The following STX18 variants were observed in gnomAD, a reference collection of about 807,000 sequenced individuals.
STX18 encodes syntaxin-18.
A neutral mutation model predicts 50.1 loss-of-function variants in STX18; 40 were observed. The observed-to-expected ratio is 0.80, with a 90% confidence interval of 0.62 to 1.04. The LOEUF (loss-of-function observed/expected upper bound fraction) is 1.04. Ranked by LOEUF, STX18 falls within the 50% of genes least tolerant of loss-of-function variation. The pLI is 0.00. For synonymous variants in STX18, 158 were observed against 151.8 expected, an observed-to-expected ratio of 1.04 and a Z score of -0.30; for missense variants, 410 against 415.8, an observed-to-expected ratio of 0.99 and a Z score of 0.12.
upstream of STX18, chr4:4,542,107 T>G: frequency 9.2e-7 from 1 of 1,081,798 alleles, no homozygotes; most frequent in Non-Finnish European, 1.2e-6. Flanking sequence ...GGTTCCGGCC[T>G]GCGCCCTGCT....
intron 2 of STX18, among the ~76,000 whole-genome samples, chr4:4,461,699 G>A (rs1228814121): frequency 6.6e-6 from 1 of 152,210 alleles, no homozygotes; most frequent in Non-Finnish European, 1.5e-5. Flanking sequence ...AACTTGATGA[G>A]AGACAATAAG....
intron 1 of STX18, among the ~76,000 whole-genome samples, chr4:4,535,498 T>C (rs996032519): frequency 2.0e-5 from 3 of 152,054 alleles, no homozygotes; most frequent in African/African-American, 7.2e-5. Flanking sequence ...AAGCAGTGGT[T>C]TTTAAACTGT....
At chr4:4,535,250 A>G (rs1256359875) in intron 1 of STX18, among the ~76,000 whole-genome samples, 1 of 152,188 alleles carries the variant, frequency 6.6e-6, no homozygotes, top group Non-Finnish European at 1.5e-5. Context: ...ACAATGCCTG[A>G]CACACCAGAT....
chr4:4,509,622 C>A (rs1729904999), intron 1 of STX18, among the ~76,000 whole-genome samples: 1 of 151,958 alleles, frequency 6.6e-6, no homozygotes, highest in African/African-American at 2.4e-5. Flanking sequence ...TAAGTATAAT[C>A]AATATATTAA....
intron 1 of STX18, among the ~76,000 whole-genome samples, chr4:4,500,965 A>G (rs571421489): frequency 6.6e-6 from 1 of 152,326 alleles, no homozygotes; most frequent in South Asian, 2.1e-4. Context: ...AGAACCTAGG[A>G]GAAGGAGGTA....
At chr4:4,450,798 C>T (rs1667780174) in intron 5 of STX18, among the ~76,000 whole-genome samples, 1 of 152,190 alleles carries the variant, frequency 6.6e-6, no homozygotes, top group South Asian at 2.1e-4. Flanking sequence ...TTACCCCTGC[C>T]TCACTGCATG....
At chr4:4,459,062 GCACACACACACA>G (rs60704649) in intron 3 of STX18, among the ~76,000 whole-genome samples, 1 of 144,282 alleles carries the variant, frequency 6.9e-6, no homozygotes, top group African/African-American at 2.5e-5. Context: ...ACACACACAC[GCACACACACACA>G]CACACACACA....
chr4:4,436,534 C>A (rs1725785186), intron 6 of STX18, among the ~76,000 whole-genome samples: 1 of 152,008 alleles, frequency 6.6e-6, no homozygotes, highest in Admixed American at 6.6e-5. Context: ...TTGTTCATAT[C>A]TGAACCAAGC....
At chr4:4,425,275 G>C in intron 7 of STX18, 53 bp from the exon 8 acceptor site, 18 of 1,530,866 alleles carry the variant, frequency 1.2e-5, no homozygotes, top group Non-Finnish European at 1.6e-5. Flanking sequence ...TTAGGCAAGA[G>C]TCTAGCAAGA....
chr4:4,419,974 G>A lies in STX18; in HGVS notation c.*60C>T. On this transcript the variant is annotated 3_prime_UTR_variant, in exon 11 of 11. Coordinates refer to ENST00000306200, the MANE Select transcript of STX18 (RefSeq NM_016930.4). ...CCATGCTCCAGCACTGGAAGTACATGAAAGCACGCAGTCTGTGAGTGCCCA... is the reference window on the plus strand; with the variant it reads ...CCATGCTCCAGCACTGGAAGTACATAAAAGCACGCAGTCTGTGAGTGCCCA... 1 of 1,408,980 alleles carries A rather than the reference G, an allele frequency of 7.1e-7. No individual in the cohort carries two copies. Among genetic ancestry groups the A allele is most frequent in the South Asian group, 1.2e-5 (1 of 81,532 alleles). 87.3% of individuals were successfully genotyped at this position (1,408,980 alleles called of 1,614,324 possible).
intron 1 of STX18, chr4:4,481,592 A>G (rs1728463936): frequency 6.6e-6 from 1 of 152,252 alleles, no homozygotes; most frequent in South Asian, 2.1e-4. Flanking sequence ...GATTTTTCAC[A>G]AGGATCATGT....
At chr4:4,464,970 G>C (rs1727553092) in intron 2 of STX18, among the ~76,000 whole-genome samples, 1 of 150,442 alleles carries the variant, frequency 6.6e-6, no homozygotes. Context: ...CTTGTCTTCT[G>C]CTAGCTTTGG....
At chr4:4,437,722 C>G in intron 6 of STX18, 3 of 639,850 alleles carry the variant, frequency 4.7e-6, no homozygotes, top group Non-Finnish European at 5.8e-6. Flanking sequence ...CCCTGTGATT[C>G]ACACAAAGAA....
chr4:4,423,717 G>A (rs1035029656), intron 8 of STX18, 130 bp from the exon 9 acceptor site: 281 of 888,038 alleles, frequency 3.2e-4, no homozygotes, highest in Middle Eastern at 2.5e-4. Flanking sequence ...TGTGTCGGCT[G>A]GGGGAAGAGG....
chr4:4,439,107 CAT>C (rs1725953151), intron 5 of STX18, among the ~76,000 whole-genome samples: 1 of 132,580 alleles, frequency 7.5e-6, no homozygotes, highest in African/African-American at 2.9e-5. Context: ...CCCCCACACA[CAT>C]ACCCCCACAT....
chr4:4,507,620 G>A lies in STX18; in HGVS notation c.168+34177C>T, dbSNP rs542341750. 102 of 767,756 alleles carry A rather than the reference G, an allele frequency of 1.3e-4. No homozygotes were observed. In the African/African-American group the frequency reaches 1.6e-3, roughly 12 times the overall value. 47.6% of individuals were successfully genotyped at this position (767,756 alleles called of 1,614,324 possible). ...ACTTGATCTTCCCAAGCGAAATTGTGGGCAAGAGAATTCACGTGAACTGGA... is the reference window on the plus strand; with the variant it reads ...ACTTGATCTTCCCAAGCGAAATTGTAGGCAAGAGAATTCACGTGAACTGGA... On this transcript the variant is annotated intron_variant, in intron 1 of 10. Coordinates refer to ENST00000306200, the MANE Select transcript of STX18 (RefSeq NM_016930.4).
intron 1 of STX18, among the ~76,000 whole-genome samples, chr4:4,528,277 C>CACACA (rs1431013958): frequency 6.6e-6 from 1 of 152,060 alleles, no homozygotes; most frequent in African/African-American, 2.4e-5. Context: ...ATGTGATCCC[C>CACACA]AATATTGGAG....
intron 1 of STX18, among the ~76,000 whole-genome samples, chr4:4,496,027 CTTCA>C (rs1364307948): frequency 6.6e-6 from 1 of 152,018 alleles, no homozygotes; most frequent in Non-Finnish European, 1.5e-5. Context: ...AGTAATGTAC[CTTCA>C]TTAAGACACG....
chr4:4,507,815 T>TAAAAAAAAAAAAAAAAAA, intron 1 of STX18: 1 of 218,724 alleles, frequency 4.6e-6, no homozygotes, highest in Non-Finnish European at 7.9e-6. Context: ...ATATTCACAG[T>TAAAAAAAAAAAAAAAAAA]AAAAAAAAAA....
Sources: allele counts gnomAD v4.1 joint callset (sites outside exome capture counted in the v4.1 genomes callset), GRCh38; gene constraint gnomAD v4.1.1; transcripts MANE v1.5; gene names NCBI Gene and HGNC (gene_info 2026-07-23, HGNC 2026-07-21).